The following MYO9A variants were observed in gnomAD, a reference collection of about 807,000 sequenced individuals.
MYO9A encodes myosin IXA, also known as unconventional myosin-IXa.
A neutral mutation model predicts 293.3 loss-of-function variants in MYO9A; 103 were observed. The ratio of observed to expected loss-of-function variants is 0.35; its 90% CI spans 0.30 to 0.41. MYO9A has a LOEUF of 0.41. Ranked by LOEUF, MYO9A falls within the 10% of genes least tolerant of loss-of-function variation. The pLI, the probability that MYO9A is intolerant of heterozygous loss-of-function variation, is 1.00. For missense variants in MYO9A, 2,685 were observed against 3,033.0 expected, an observed-to-expected ratio of 0.89 and a Z score of 2.69; for synonymous variants, 1,001 against 1,035.7, an observed-to-expected ratio of 0.97 and a Z score of 0.64.
chr15:71,827,058 A>G lies in MYO9A; in HGVS notation c.7184-15T>C. 6.5e-7 allele frequency: 1 copy of G among 1,529,256 alleles called. No homozygotes were observed. Among genetic ancestry groups the G allele is most frequent in the Non-Finnish European group, 8.8e-7 (1 of 1,140,952 alleles). 94.7% of individuals were successfully genotyped at this position (1,529,256 alleles called of 1,614,324 possible). ...TAAGCTTCTTTCTAATGCAAAAAAG[A>G]GACCAAAGATGTAAATGACAGTGCC... On this transcript the variant is annotated splice_polypyrimidine_tract_variant and intron_variant, in intron 41 of 41. Transcript: ENST00000356056.
intron 1 of MYO9A, among the ~76,000 whole-genome samples, chr15:72,051,793 T>C (rs1326602046): frequency 6.6e-6 from 1 of 152,020 alleles, no homozygotes; most frequent in Non-Finnish European, 1.5e-5. Context: ...GGCAGCTCAG[T>C]ACCTGTAGGC....
chr15:71,847,409 A>T, intron 39 of MYO9A: 1 of 453,956 alleles, frequency 2.2e-6, no homozygotes, highest in South Asian at 1.6e-5. Context: ...CATTATTAAT[A>T]CATACCGAGA....
intron 11 of MYO9A, among the ~76,000 whole-genome samples, chr15:71,989,269 C>G (rs996545932): frequency 6.6e-6 from 1 of 151,840 alleles, no homozygotes; most frequent in Non-Finnish European, 1.5e-5. Context: ...CTTGGTCTCT[C>G]CATACCTAGT....
At position 71,991,169 on chromosome 15, in the gene MYO9A, G is replaced by T. The variant is rs746805072; in HGVS notation, c.1656C>A (p.Phe552Leu). Residue 552 changes from phenylalanine to leucine, a missense_variant, in exon 11 of 42, where the codon TTC becomes TTA. Phe to Leu is a conservative substitution (Grantham distance 22, BLOSUM62 0). Coordinates refer to ENST00000356056, the MANE Select transcript of MYO9A (RefSeq NM_006901.4). ...EDYENNSFEQ[F>L]CINFANERLQ... ...AACGTTCATTAGCAAAATTAATACA[G>T]AACTGTTCAAAGCTGTTATTTTCAT... 2.5e-6 allele frequency: 4 copies of T among 1,608,396 alleles called. No individual in the cohort carries two copies. In the African/African-American group the frequency reaches 4.0e-5, roughly 16 times the overall value.
intron 27 of MYO9A, 58 bp from the exon 28 acceptor site, chr15:71,883,794 G>T (rs931513376): frequency 4.9e-6 from 7 of 1,430,114 alleles, no homozygotes; most frequent in Admixed American, 2.1e-5. Flanking sequence ...GATAATATTT[G>T]TATATATCAC....
At chr15:72,042,891 C>A (rs1354299625) in intron 2 of MYO9A, among the ~76,000 whole-genome samples, 1 of 151,822 alleles carries the variant, frequency 6.6e-6, no homozygotes, top group Admixed American at 6.6e-5. Context: ...CATAGTGAGA[C>A]CTCGTCTCTA....
intron 2 of MYO9A, 45 bp from the exon 3 acceptor site, chr15:72,032,633 A>AAAT: frequency 1.6e-6 from 2 of 1,227,764 alleles, no homozygotes; most frequent in East Asian, 2.7e-5. Context: ...AAAAAAAAAA[A>AAAT]TTTTTTTTTG....
In MYO9A at chr15:72,007,846, T is replaced by C. The variant is rs749827517; in HGVS notation, c.1360A>G (p.Ile454Val). 19 of 1,611,834 alleles carry C rather than the reference T, an allele frequency of 1.2e-5. No homozygotes were observed. Among genetic ancestry groups the C allele is most frequent in the Middle Eastern group, 1.6e-4 (1 of 6,070 alleles). ...CTCACCTCTAATAATTCTGAGACAA[T>C]AGGCAGAACTTCAGGATTACAGATA... ...IDICNPEVLPIVSELLEVKEE... is the reference protein window; with the variant it reads ...IDICNPEVLPVVSELLEVKEE... The change falls in exon 8 of 42, where the codon ATT becomes GTT. Residue 454 changes from isoleucine to valine, a missense_variant. Ile to Val is a conservative substitution (Grantham distance 29). This residue lies in a region of MYO9A where 289 missense variants were observed against 456.8 expected (regional missense o/e 0.63). Coordinates refer to ENST00000356056, the MANE Select transcript of MYO9A (RefSeq NM_006901.4).
chr15:72,004,945 C>T (rs749220414), intron 8 of MYO9A, among the ~76,000 whole-genome samples: 8 of 152,190 alleles, frequency 5.3e-5, no homozygotes, highest in Non-Finnish European at 8.8e-5. Context: ...TAAATCACAA[C>T]TAAAGAGTCT....
chr15:71,899,402 T>C (rs888641890), intron 24 of MYO9A, among the ~76,000 whole-genome samples: 9 of 152,214 alleles, frequency 5.9e-5, no homozygotes, highest in Admixed American at 5.2e-4. Context: ...GTAACAACAG[T>C]TGAATATTGC....
At chr15:72,081,723 G>A (rs548510678) in intron 1 of MYO9A, among the ~76,000 whole-genome samples, 28 of 152,212 alleles carry the variant, frequency 1.8e-4, no homozygotes, top group African/African-American at 6.0e-4. Flanking sequence ...TTTTGTACAC[G>A]GTGAAAGGAA....
chr15:71,855,912 C>T (rs1390990794), intron 34 of MYO9A, among the ~76,000 whole-genome samples: 1 of 152,160 alleles, frequency 6.6e-6, no homozygotes, highest in African/African-American at 2.4e-5. Flanking sequence ...TACTCAAGAA[C>T]TTACTTGAAC....
chr15:72,065,771 CT>C (rs2079004301), intron 1 of MYO9A, among the ~76,000 whole-genome samples: 1 of 152,024 alleles, frequency 6.6e-6, no homozygotes, highest in Non-Finnish European at 1.5e-5. Context: ...ACTGCCCAAT[CT>C]TTTTAATGAG....
intron 15 of MYO9A, among the ~76,000 whole-genome samples, chr15:71,947,723 A>T (rs2058953652): frequency 6.6e-6 from 1 of 152,188 alleles, no homozygotes; most frequent in Non-Finnish European, 1.5e-5. Context: ...GGTGAGGGTA[A>T]TTTAGGTGGA....
At chr15:71,862,950 C>A in intron 32 of MYO9A, among the ~76,000 whole-genome samples, 1 of 128,784 alleles carries the variant, frequency 7.8e-6, no homozygotes, top group South Asian at 2.4e-4. Flanking sequence ...TTTTTTGAGA[C>A]TTAGTCTTGC....
chr15:71,898,816 C>A lies in MYO9A; in HGVS notation c.3687G>T (p.Glu1229Asp). 1 of 1,614,168 alleles carries A rather than the reference C, an allele frequency of 6.2e-7. No individual in the cohort carries two copies. The highest frequency in any genetic ancestry group is 8.5e-7 in the Non-Finnish European group (1 of 1,180,032). ...SRESSVDCLK[E>D]SPNKQQERAQ... Reference sequence around the variant, plus strand: ...CTCTCTCCTGCTGCTTGTTTGGTGACTCCTTCAAGCAGTCCACTGAACTTT... The same window carrying A: ...CTCTCTCCTGCTGCTTGTTTGGTGAATCCTTCAAGCAGTCCACTGAACTTT... Residue 1229 changes from glutamate to aspartate, a missense_variant, in exon 25 of 42, where the codon GAG becomes GAT. Glu to Asp is a conservative substitution (Grantham distance 45). Transcript: ENST00000356056.
At chr15:71,944,059 AC>A (rs1014444922) in intron 15 of MYO9A, among the ~76,000 whole-genome samples, 11 of 152,100 alleles carry the variant, frequency 7.2e-5, no homozygotes, top group African/African-American at 2.7e-4. Flanking sequence ...GCCACTATAG[AC>A]GTATTAGTGA....
chr15:71,997,902 A>G (rs1596345339), intron 9 of MYO9A, among the ~76,000 whole-genome samples: 1 of 152,182 alleles, frequency 6.6e-6, no homozygotes, highest in South Asian at 2.1e-4. Flanking sequence ...CCATTGGGGA[A>G]GACAGTGTGG....
At position 72,067,940 on chromosome 15, in the gene MYO9A, A is replaced by C. The variant is rs901425475; in HGVS notation, c.-71-21306T>G. Among the ~76,000 whole-genome samples, 6 of 152,176 alleles carry C rather than the reference A, an allele frequency of 3.9e-5. No individual in the cohort carries two copies. The East Asian group carries it at 1.2e-3, about 29-fold the overall frequency. On this transcript the variant is annotated intron_variant, in intron 1 of 41. Transcript: ENST00000356056. ...TCTTCTACTCTGTAGAAACCCCCTCAAGTTTACTCATAAGAACAACACAAA... is the reference window on the plus strand; with the variant it reads ...TCTTCTACTCTGTAGAAACCCCCTCCAGTTTACTCATAAGAACAACACAAA...
Sources: gnomAD v4.1 joint callset for allele counts (sites outside exome capture counted in the v4.1 genomes callset) on GRCh38, gnomAD v4.1.1 for gene constraint, gnomAD v4.1.1 regional missense constraint, MANE v1.5 for transcripts, NCBI Gene and HGNC (gene_info 2026-07-23, HGNC 2026-07-21) for gene names.